Variants in XKR6 observed in about 807,000 individuals in gnomAD.
XKR6 encodes XK-related protein 6.
Under a neutral mutation model 56.7 loss-of-function variants are expected in XKR6, and 22 were observed. The observed-to-expected ratio is 0.39, with a 90% CI of 0.28 to 0.55. The LOEUF (loss-of-function observed/expected upper bound fraction) is 0.55. XKR6 is among the 20% of genes least tolerant of loss of function. XKR6 has a pLI of 0.66. For missense variants in XKR6, 852 were observed against 889.0 expected (o/e 0.96, Z 0.53); for synonymous variants, 524 against 387.8 (o/e 1.35, Z -4.13).
chr8:10,924,882 C>T (rs1157481126), intron 1 of XKR6, 52 bp from the exon 2 acceptor site: 2 of 1,553,354 alleles, frequency 1.3e-6, no homozygotes, highest in Non-Finnish European at 8.7e-7. Context: ...TGCAGGGGCT[C>T]CAGAGGACCC....
intron 1 of XKR6, among the ~76,000 whole-genome samples, chr8:11,183,787 G>C (rs1020782216): frequency 6.6e-6 from 1 of 152,128 alleles, no homozygotes; most frequent in Non-Finnish European, 1.5e-5. Context: ...TTTTTGGAAA[G>C]TCTGGCCAAG....
At chr8:10,937,065 C>T (rs1270049504) in intron 1 of XKR6, among the ~76,000 whole-genome samples, 617 of 88,856 alleles carry the variant, frequency 6.9e-3, no homozygotes, top group Non-Finnish European at 0.01. Flanking sequence ...GGTCTTTTCA[C>T]ATAGTCCCAT....
At chr8:11,044,367 G>A (rs1389861065) in intron 1 of XKR6, among the ~76,000 whole-genome samples, 2 of 152,078 alleles carry the variant, frequency 1.3e-5, no homozygotes, top group Non-Finnish European at 1.5e-5. Flanking sequence ...TGTATTCTCA[G>A]CCAACCCCTT....
chr8:11,134,085 C>T (rs1800257656), intron 1 of XKR6, among the ~76,000 whole-genome samples: 1 of 152,162 alleles, frequency 6.6e-6, no homozygotes, highest in African/African-American at 2.4e-5. Flanking sequence ...GCCTTCATCA[C>T]CACACCCTGG....
chr8:10,982,198 C>T (rs528503632), intron 1 of XKR6, among the ~76,000 whole-genome samples: 2 of 152,326 alleles, frequency 1.3e-5, no homozygotes, highest in Admixed American at 6.5e-5. Context: ...TAATATGTGG[C>T]AGCAAAGTAA....
chr8:11,035,985 C>T (rs996716908), intron 1 of XKR6, among the ~76,000 whole-genome samples: 23 of 141,972 alleles, frequency 1.6e-4, no homozygotes, highest in Non-Finnish European at 3.0e-4. Context: ...GCTCTGTCAC[C>T]TAGGCAGGAG....
At chr8:10,994,425 G>C (rs1305325907) in intron 1 of XKR6, among the ~76,000 whole-genome samples, 1 of 152,228 alleles carries the variant, frequency 6.6e-6, no homozygotes, top group East Asian at 1.9e-4. Context: ...TGGAGTTCCA[G>C]CTTCTCAAAA....
At chr8:10,961,891 C>T (rs1802071085) in intron 1 of XKR6, among the ~76,000 whole-genome samples, 1 of 152,152 alleles carries the variant, frequency 6.6e-6, no homozygotes, top group Non-Finnish European at 1.5e-5. Flanking sequence ...CCTGAGAGGC[C>T]CAAGAATCAT....
Position 11,133,977 on chromosome 8 carries a change from T to C in XKR6, c.764+66599A>G, listed in dbSNP as rs561073637. On this transcript the variant is annotated intron_variant, in intron 1 of 2. Transcript: ENST00000416569. ...CTTATGTTTTTGACCTGATCTTCTATCAAATAGCCTCATCCTGCAATTACT... is the reference window on the plus strand; with the variant it reads ...CTTATGTTTTTGACCTGATCTTCTACCAAATAGCCTCATCCTGCAATTACT... Among the ~76,000 whole-genome samples the C allele has an allele frequency of 1.1e-4, 17 of 152,292 alleles. No homozygotes were observed. The South Asian group carries it at 3.3e-3, about 30-fold the overall frequency.
intron 1 of XKR6, among the ~76,000 whole-genome samples, chr8:11,152,405 A>G (rs1801312585): frequency 6.6e-6 from 1 of 152,196 alleles, no homozygotes; most frequent in South Asian, 2.1e-4. Flanking sequence ...AAGCGAATAT[A>G]CTGAGTGGGA....
chr8:10,977,946 C>A (rs1802617006), intron 1 of XKR6, among the ~76,000 whole-genome samples: 1 of 152,088 alleles, frequency 6.6e-6, no homozygotes, highest in Non-Finnish European at 1.5e-5. Context: ...CAGAACGTAC[C>A]ATTTTGGAGC....
chr8:11,069,210 G>A (rs1302908420), intron 1 of XKR6, among the ~76,000 whole-genome samples: 1 of 151,760 alleles, frequency 6.6e-6, no homozygotes, highest in Non-Finnish European at 1.5e-5. Context: ...AAGGCAGGCA[G>A]GTTCCACTCT....
At chr8:10,964,752 C>T (rs938815508) in intron 1 of XKR6, among the ~76,000 whole-genome samples, 1 of 152,182 alleles carries the variant, frequency 6.6e-6, no homozygotes, top group Non-Finnish European at 1.5e-5. Flanking sequence ...CCTTGATTTC[C>T]CCAGCAGCTG....
At chr8:10,947,766 C>A (rs1801594643) in intron 1 of XKR6, among the ~76,000 whole-genome samples, 1 of 152,204 alleles carries the variant, frequency 6.6e-6, no homozygotes, top group Non-Finnish European at 1.5e-5. Flanking sequence ...AATAGCCCAC[C>A]GCCAGGGGAA....
chr8:10,997,942 G>T (rs1017099635), intron 1 of XKR6, among the ~76,000 whole-genome samples: 18 of 152,256 alleles, frequency 1.2e-4, no homozygotes, highest in Admixed American at 2.6e-4. Flanking sequence ...ATCACAGGAT[G>T]CTTCCCATAG....
chr8:11,098,802 G>A (rs562781910), intron 1 of XKR6, among the ~76,000 whole-genome samples: 5 of 152,004 alleles, frequency 3.3e-5, no homozygotes, highest in Non-Finnish European at 7.4e-5. Flanking sequence ...ACTTTCTTTT[G>A]AATCTTAAGT....
chr8:10,944,457 G>A (rs1211819418), intron 1 of XKR6, among the ~76,000 whole-genome samples: 1 of 152,116 alleles, frequency 6.6e-6, no homozygotes, highest in Non-Finnish European at 1.5e-5. Flanking sequence ...CTGACCTTTC[G>A]AAAATCCTCT....
chr8:11,010,035 G>A (rs946692111), intron 1 of XKR6, among the ~76,000 whole-genome samples: 5 of 152,218 alleles, frequency 3.3e-5, no homozygotes, highest in African/African-American at 4.8e-5. Context: ...AAGAAGAGAG[G>A]TTTAATTGGC....
Position 11,068,431 on chromosome 8 carries a change from T to G in XKR6, c.764+132145A>C, listed in dbSNP as rs1281526464. Among the ~76,000 whole-genome samples the G allele has an allele frequency of 2.6e-5, 4 of 152,206 alleles. No homozygotes were observed. In the East Asian group the frequency reaches 7.7e-4, roughly 29 times the overall value. ...CCATTAGTGTCCTGACACAGATGTTTGGGACCCTGACAATTCTTGAGCCAT... is the reference window on the plus strand; with the variant it reads ...CCATTAGTGTCCTGACACAGATGTTGGGGACCCTGACAATTCTTGAGCCAT... On this transcript the variant is annotated intron_variant, in intron 1 of 2. Transcript: ENST00000416569.
Sources: allele counts gnomAD v4.1 joint callset (sites outside exome capture counted in the v4.1 genomes callset), GRCh38; gene constraint gnomAD v4.1.1; transcripts MANE v1.5; gene names NCBI Gene and HGNC (gene_info 2026-07-23, HGNC 2026-07-21).